Variants in CALCR observed in about 807,000 individuals in gnomAD.
CALCR encodes calcitonin receptor.
Under a neutral mutation model 59.5 loss-of-function variants are expected in CALCR, and 47 were observed. The observed-to-expected ratio is 0.79, with a 90% CI of 0.63 to 1.01. The LOEUF is 1.01. Ranked by LOEUF, CALCR falls within the 50% of genes least tolerant of loss-of-function variation. The pLI is 0.00. For missense variants in CALCR, 566 were observed against 597.1 expected, an observed-to-expected ratio of 0.95 and a Z score of 0.54; for synonymous variants, 213 against 211.3, an observed-to-expected ratio of 1.01 and a Z score of -0.07.
In CALCR at chr7:93,555,222, G is replaced by A. The variant is rs79471659; in HGVS notation, c.-27+19067C>T. On this transcript the variant is annotated intron_variant, in intron 2 of 13. Coordinates refer to ENST00000426151, the MANE Select transcript of CALCR (RefSeq NM_001742.4). ...TCTGCAGAGCACTGGAGAACTCCTC[G>A]GATGAATAAAAGGAGGTCAGGGTTT... Among the ~76,000 whole-genome samples the A allele has an allele frequency of 3.9e-3, 594 of 152,102 alleles. 4 individuals carry two copies. Among genetic ancestry groups the A allele is most frequent in the African/African-American group, 0.013 (550 of 41,484 alleles).
At position 93,475,841 on chromosome 7, in the gene CALCR, C is replaced by T. The variant is rs141584164; in HGVS notation, c.316+1717G>A. ...CTTCCCTTTAGAAACCAAACACCCC[C>T]ATTATTCACTCCCCACAGATTTTCC... is the stretch of plus-strand genomic sequence containing the variant. On this transcript the variant is annotated intron_variant, in intron 5 of 13. Coordinates refer to ENST00000426151, the MANE Select transcript of CALCR (RefSeq NM_001742.4). Among the ~76,000 whole-genome samples the T allele has an allele frequency of 5.4e-3, 814 of 151,904 alleles. 4 individuals are homozygous for T. Among genetic ancestry groups the T allele is most frequent in the Admixed American group, 8.7e-3 (133 of 15,218 alleles).
intron 2 of CALCR, among the ~76,000 whole-genome samples, chr7:93,548,083 G>A (rs1444950249): frequency 6.6e-6 from 1 of 152,068 alleles, no homozygotes; most frequent in Admixed American, 6.6e-5. Flanking sequence ...GTCAATTATC[G>A]AGTTCTTAAT....
Position 93,460,835 on chromosome 7 carries a change from C to G in CALCR, c.634G>C (p.Val212Leu). The G allele has an allele frequency of 1.2e-6, 2 of 1,607,566 alleles. No individual in the cohort carries two copies. Among genetic ancestry groups the G allele is most frequent in the Non-Finnish European group, 1.7e-6 (2 of 1,177,396 alleles). The change falls in exon 8 of 14, where the codon GTG becomes CTG. Residue 212 changes from valine (V) to leucine (L), a missense_variant. Physicochemically the swap from Val to Leu is conservative, Grantham distance 32. Transcript: ENST00000426151. The part of the protein sequence containing the change: ...LVEVVPNGEL[V>L]RRDPVSCKIL... ...GCAGTACTTACCGGGTCCCTTCGCA[C>G]GAGCTCTCCATTGGGTACTACTTCA...
At chr7:93,502,407 G>A (rs566760231) in intron 2 of CALCR, among the ~76,000 whole-genome samples, 3 of 152,038 alleles carry the variant, frequency 2.0e-5, no homozygotes, top group Non-Finnish European at 1.5e-5. Flanking sequence ...AGAAACATAC[G>A]TATTTAAATA....
intron 3 of CALCR, among the ~76,000 whole-genome samples, chr7:93,479,762 A>G (rs1381696064): frequency 6.6e-6 from 1 of 151,822 alleles, no homozygotes; most frequent in African/African-American, 2.4e-5. Context: ...ACACACTCAT[A>G]TACCTCTTTA....
At chr7:93,501,715 C>T (rs768981430) in intron 2 of CALCR, among the ~76,000 whole-genome samples, 8 of 152,058 alleles carry the variant, frequency 5.3e-5, no homozygotes, top group South Asian at 2.1e-4. Context: ...AGCTAAAGGA[C>T]GCAGTGCAGA....
rs983209354 is a variant in CALCR at position 93,426,144 on chromosome 7, C to A, written c.*212G>T. On this transcript the variant is annotated 3_prime_UTR_variant, in exon 14 of 14. Transcript: ENST00000426151. ...AGTCCTGGATGAATGATGGAGTTCACAAGTTGCAGTGGGAGACTCCATTCC... is the reference window on the plus strand; with the variant it reads ...AGTCCTGGATGAATGATGGAGTTCAAAAGTTGCAGTGGGAGACTCCATTCC... 3.9e-6 allele frequency: 2 copies of A among 512,518 alleles called. No individual in the cohort carries two copies. Among genetic ancestry groups the A allele is most frequent in the African/African-American group, 3.8e-5 (2 of 52,096 alleles). 31.7% of individuals were successfully genotyped at this position (512,518 alleles called of 1,614,324 possible).
intron 2 of CALCR, among the ~76,000 whole-genome samples, chr7:93,503,215 C>G (rs1216585891): frequency 6.6e-6 from 1 of 152,042 alleles, no homozygotes; most frequent in Non-Finnish European, 1.5e-5. Context: ...GCTGATGGAG[C>G]AACACTCGTC....
chr7:93,477,426 G>T, intron 5 of CALCR, 132 bp downstream of exon 5: 1 of 564,664 alleles, frequency 1.8e-6, no homozygotes, highest in Non-Finnish European at 3.2e-6. Context: ...TTCAATTAAG[G>T]AAACACTTCA....
In CALCR at chr7:93,466,408, G is replaced by T. The variant is rs1240974183; in HGVS notation, c.521+2307C>A. Among the ~76,000 whole-genome samples the T allele has an allele frequency of 1.3e-5, 2 of 151,798 alleles. 1 individual carries two copies. Among genetic ancestry groups the T allele is most frequent in the Admixed American group, 1.3e-4 (2 of 15,194 alleles). Reference sequence around the variant, plus strand: ...AATTCAAATATAAAAAACATTAAAGGGTTAGGATCATACTTAAATTTTAAG... The same window carrying T: ...AATTCAAATATAAAAAACATTAAAGTGTTAGGATCATACTTAAATTTTAAG... On this transcript the variant is annotated intron_variant, in intron 7 of 13. Coordinates refer to ENST00000426151, the MANE Select transcript of CALCR (RefSeq NM_001742.4).
intron 2 of CALCR, among the ~76,000 whole-genome samples, chr7:93,562,043 A>G (rs1420278116): frequency 2.0e-5 from 3 of 152,136 alleles, no homozygotes; most frequent in Non-Finnish European, 4.4e-5. Flanking sequence ...TAATATGATT[A>G]TTATGAGAAT....
rs1364577614 is a variant in CALCR at position 93,428,977 on chromosome 7, T to C, written c.1192-2388A>G. On this transcript the variant is annotated intron_variant, in intron 13 of 13. Coordinates refer to ENST00000426151, the MANE Select transcript of CALCR (RefSeq NM_001742.4). ...GTCTTTTATTTCTCACCTGTCCTTT[T>C]AAAATAACTCCCATAGAGTATCCAT... 2.6e-5 allele frequency among the ~76,000 whole-genome samples: 4 copies of C among 152,204 alleles called. 1 individual carries two copies. Among genetic ancestry groups the C allele is most frequent in the Admixed American group, 1.3e-4 (2 of 15,280 alleles).
intron 5 of CALCR, among the ~76,000 whole-genome samples, chr7:93,475,337 T>C (rs1016379343): frequency 6.6e-6 from 1 of 151,842 alleles, no homozygotes. Context: ...TTTACTGAGA[T>C]AGCCACTAGA....
chr7:93,555,971 A>G (rs1789595406), intron 2 of CALCR, among the ~76,000 whole-genome samples: 1 of 152,188 alleles, frequency 6.6e-6, no homozygotes, highest in Admixed American at 6.6e-5. Flanking sequence ...TACAGAGGTG[A>G]CTCAAATAGC....
intron 2 of CALCR, among the ~76,000 whole-genome samples, chr7:93,570,508 T>C (rs10244517): frequency 0.046 from 6,940 of 152,258 alleles, 530 homozygotes; most frequent in African/African-American, 0.16. Context: ...AATGGAATAG[T>C]TAAATATTTC....
chr7:93,479,525 AT>A lies in CALCR; in HGVS notation c.52-19del. 1.2e-6 allele frequency: 2 copies of A among 1,607,456 alleles called. No homozygotes were observed. The highest frequency in any genetic ancestry group is 3.3e-4 in the Middle Eastern group (2 of 5,996). ...GTTGGGTGCTGTATTAAAAAGAAAA[AT>A]CAGTTACTTATAGACAGGAGGAATG... On this transcript the variant is annotated intron_variant, in intron 3 of 13. Transcript: ENST00000426151.
At chr7:93,497,962 C>T (rs1264918558) in intron 2 of CALCR, among the ~76,000 whole-genome samples, 1 of 151,498 alleles carries the variant, frequency 6.6e-6, no homozygotes, top group Non-Finnish European at 1.5e-5. Context: ...CTAGAAAGCA[C>T]ATTTCTACTC....
At chr7:93,547,224 A>T (rs78948766) in intron 2 of CALCR, among the ~76,000 whole-genome samples, 2,752 of 152,264 alleles carry the variant, frequency 0.018, 92 homozygotes, top group African/African-American at 0.064. Flanking sequence ...GTCACAAAAA[A>T]CATTATGTTA....
intron 2 of CALCR, among the ~76,000 whole-genome samples, chr7:93,525,785 C>T (rs1233842536): frequency 6.6e-6 from 1 of 152,024 alleles, no homozygotes; most frequent in African/African-American, 2.4e-5. Context: ...AAATATTTTT[C>T]TTCAGTTAAT....
Sources: gnomAD v4.1 joint callset for allele counts (sites outside exome capture counted in the v4.1 genomes callset) on GRCh38, gnomAD v4.1.1 for gene constraint, MANE v1.5 for transcripts, NCBI Gene and HGNC (gene_info 2026-07-23, HGNC 2026-07-21) for gene names.